ZFAT: variants seen among roughly 807,000 people sequenced by gnomAD.
The protein encoded by ZFAT is zinc finger protein ZFAT.
A neutral mutation model predicts 117.7 loss-of-function variants in ZFAT; 64 were observed. The ratio of observed to expected loss-of-function variants is 0.54; its 90% CI spans 0.44 to 0.67. The LOEUF is 0.67. Ranked by LOEUF, ZFAT falls within the 30% of genes least tolerant of loss-of-function variation. The pLI is 0.00. For synonymous variants in ZFAT, 679 were observed against 615.0 expected (o/e 1.10, Z -1.54); for missense variants, 1,433 against 1,584.5 (o/e 0.90, Z 1.62).
chr8:134,693,071 C>T (rs1833657378), intron 1 of ZFAT, among the ~76,000 whole-genome samples: 1 of 152,176 alleles, frequency 6.6e-6, no homozygotes, highest in Non-Finnish European at 1.5e-5. Context: ...ATGTATGTCT[C>T]GTATATGTAC....
At chr8:134,667,949 C>T (rs1405422968) in intron 1 of ZFAT, among the ~76,000 whole-genome samples, 1 of 152,172 alleles carries the variant, frequency 6.6e-6, no homozygotes, top group Non-Finnish European at 1.5e-5. Context: ...AACAGCACAC[C>T]AGGAGATTAT....
the ZFAT span, among the ~76,000 whole-genome samples, chr8:134,759,920 A>T: frequency 6.8e-6 from 1 of 148,014 alleles, no homozygotes; most frequent in South Asian, 2.2e-4. Flanking sequence ...GCAGTGAGCC[A>T]AGATCATGCC....
chr8:134,750,865 A>G, the ZFAT span, among the ~76,000 whole-genome samples: 5 of 152,368 alleles, frequency 3.3e-5, no homozygotes, highest in Middle Eastern at 3.4e-3. Flanking sequence ...ATCACGTACT[A>G]TAAGATTTGC....
intron 10 of ZFAT, among the ~76,000 whole-genome samples, chr8:134,573,307 A>G (rs952797172): frequency 6.6e-5 from 10 of 152,188 alleles, no homozygotes; most frequent in African/African-American, 2.4e-4. Context: ...AAACGTAAAA[A>G]TAAAAATAAC....
Position 134,509,661 on chromosome 8 carries a change from C to A in ZFAT, c.3450G>T (p.Ser1150=). The change falls in exon 15 of 16, where the codon TCG becomes TCT. Residue 1150 remains serine (S), a synonymous_variant. Coordinates refer to ENST00000377838, the MANE Select transcript of ZFAT (RefSeq NM_020863.4). ...AETHDATALA[S]VVAMAPGTVT... The stretch of plus-strand genomic sequence containing the variant: ...CCGTCCCTGGTGCCATGGCAACCAC[C>A]GAGGCAAGGGCAGTGGCGTCATGGG... 1 of 1,613,452 alleles carries A rather than the reference C, an allele frequency of 6.2e-7. No individual in the cohort carries two copies. The highest frequency in any genetic ancestry group is 8.5e-7 in the Non-Finnish European group (1 of 1,179,786).
At chr8:134,754,341 A>G in the ZFAT span, among the ~76,000 whole-genome samples, 1 of 152,232 alleles carries the variant, frequency 6.6e-6, no homozygotes. Context: ...TACTGGATTT[A>G]TAGCTCATCT....
intron 15 of ZFAT, among the ~76,000 whole-genome samples, chr8:134,505,332 C>T (rs1483303076): frequency 6.6e-6 from 1 of 152,132 alleles, no homozygotes; most frequent in East Asian, 1.9e-4. Context: ...AGACTATTTG[C>T]CTCTTGAGAG....
chr8:134,816,510 A>T, the ZFAT span, among the ~76,000 whole-genome samples: 1 of 152,158 alleles, frequency 6.6e-6, no homozygotes, highest in African/African-American at 2.4e-5. Context: ...AGATTAAGTA[A>T]CAACATTAGG....
chr8:134,705,568 T>C (rs1834129614), intron 1 of ZFAT, among the ~76,000 whole-genome samples: 1 of 151,838 alleles, frequency 6.6e-6, no homozygotes, highest in African/African-American at 2.4e-5. Flanking sequence ...CTCACTCTGT[T>C]GCCCAGGCTA....
chr8:134,726,691 C>A, the ZFAT span, among the ~76,000 whole-genome samples: 1 of 152,220 alleles, frequency 6.6e-6, no homozygotes, highest in East Asian at 1.9e-4. Context: ...ACCTCCCAGG[C>A]TCAAGCAGCA....
the ZFAT span, among the ~76,000 whole-genome samples, chr8:134,762,887 G>A: frequency 1.4e-4 from 22 of 152,136 alleles, no homozygotes; most frequent in African/African-American, 5.1e-4. Context: ...TTAGCCAAGT[G>A]GATAAATAGA....
intron 1 of ZFAT, among the ~76,000 whole-genome samples, chr8:134,663,460 T>C (rs1301844355): frequency 3.9e-5 from 6 of 152,186 alleles, no homozygotes; most frequent in Admixed American, 2.0e-4. Context: ...GTGAAACTTT[T>C]TTAAAAAATA....
chr8:134,565,449 C>T (rs370176772), intron 10 of ZFAT, 28 bp from the exon 11 acceptor site: 21 of 1,605,364 alleles, frequency 1.3e-5, no homozygotes, highest in African/African-American at 1.1e-4. Context: ...ACAAGATGAG[C>T]GTCGCCAGGC....
the ZFAT span, among the ~76,000 whole-genome samples, chr8:134,828,785 G>C: frequency 6.6e-6 from 1 of 151,852 alleles, no homozygotes; most frequent in Non-Finnish European, 1.5e-5. Flanking sequence ...TTAACACAAA[G>C]GGAAAAAACT....
At chr8:134,535,226 T>G (rs1452269154) in intron 11 of ZFAT, among the ~76,000 whole-genome samples, 1 of 152,246 alleles carries the variant, frequency 6.6e-6, no homozygotes, top group Non-Finnish European at 1.5e-5. Flanking sequence ...CATTGTTGAT[T>G]GGTGGATCTA....
intron 1 of ZFAT, among the ~76,000 whole-genome samples, chr8:134,692,038 TAG>T (rs759728296): frequency 9.2e-5 from 14 of 152,150 alleles, no homozygotes; most frequent in Non-Finnish European, 1.9e-4. Flanking sequence ...TGTATTTTAG[TAG>T]AGACAGGGTT....
intron 10 of ZFAT, among the ~76,000 whole-genome samples, chr8:134,579,377 C>T (rs1260939104): frequency 1.3e-5 from 2 of 152,138 alleles, no homozygotes; most frequent in African/African-American, 4.8e-5. Flanking sequence ...TGGTGAAAGG[C>T]ACATCTTATA....
intron 12 of ZFAT, among the ~76,000 whole-genome samples, chr8:134,525,713 C>T (rs11777813): frequency 0.15 from 22,328 of 152,204 alleles, 1,960 homozygotes; most frequent in Non-Finnish European, 0.19. Context: ...CCAGCACCTC[C>T]GCCCACTGCT....
intron 2 of ZFAT, among the ~76,000 whole-genome samples, chr8:134,655,133 T>C (rs889869691): frequency 4.0e-5 from 6 of 151,486 alleles, no homozygotes; most frequent in Non-Finnish European, 8.8e-5. Context: ...TGTAGATCAG[T>C]GATGAGAGGG....
Sources: gnomAD v4.1 joint callset for allele counts (sites outside exome capture counted in the v4.1 genomes callset) on GRCh38, gnomAD v4.1.1 for gene constraint, MANE v1.5 for transcripts, NCBI Gene and HGNC (gene_info 2026-07-23, HGNC 2026-07-21) for gene names.